GABRG3: variants seen among roughly 807,000 people sequenced by gnomAD.
GABRG3 encodes gamma-aminobutyric acid receptor subunit gamma-3.
Under a neutral mutation model 48.8 loss-of-function variants are expected in GABRG3, and 25 were observed. The ratio of observed to expected loss-of-function variants is 0.51; its 90% confidence interval spans 0.37 to 0.72. GABRG3 has a LOEUF of 0.72. Among genes scored for constraint, GABRG3 ranks in the 30% least tolerant of loss-of-function variants. The probability of loss-of-function intolerance (pLI) is 0.00; values close to 1 mark genes in which losing one functional copy is unlikely to be tolerated. For synonymous variants in GABRG3, 227 were observed against 217.6 expected, an observed-to-expected ratio of 1.04 and a Z score of -0.38; for missense variants, 394 against 577.9, an observed-to-expected ratio of 0.68 and a Z score of 3.26.
chr15:27,200,738 A>G (rs1341461257), intron 3 of GABRG3, among the ~76,000 whole-genome samples: 1 of 152,168 alleles, frequency 6.6e-6, no homozygotes, highest in East Asian at 1.9e-4. Flanking sequence ...AATGATGGGT[A>G]TGGTGATGTC....
intron 3 of GABRG3, among the ~76,000 whole-genome samples, chr15:27,043,606 C>G (rs1298762720): frequency 6.6e-6 from 1 of 152,306 alleles, no homozygotes; most frequent in East Asian, 1.9e-4. Flanking sequence ...CCGCAGAGCC[C>G]CCTCCTCTGC....
At chr15:27,098,400 C>T (rs1897301146) in intron 3 of GABRG3, among the ~76,000 whole-genome samples, 1 of 152,166 alleles carries the variant, frequency 6.6e-6, no homozygotes, top group Non-Finnish European at 1.5e-5. Flanking sequence ...CACCACTGCA[C>T]TCCAGCCTGT....
intron 3 of GABRG3, among the ~76,000 whole-genome samples, chr15:27,149,078 G>A (rs909010247): frequency 7.2e-5 from 11 of 152,098 alleles, no homozygotes; most frequent in African/African-American, 2.4e-4. Flanking sequence ...CAGATGACAT[G>A]CTCTTGCATA....
At chr15:27,296,862 T>A (rs371471345) in intron 3 of GABRG3, among the ~76,000 whole-genome samples, 8 of 137,544 alleles carry the variant, frequency 5.8e-5, no homozygotes, top group East Asian at 2.0e-4. Flanking sequence ...TTTTTTTTTT[T>A]AATTTCATTA....
At chr15:27,060,755 C>T (rs2140722390) in intron 3 of GABRG3, among the ~76,000 whole-genome samples, 1 of 152,326 alleles carries the variant, frequency 6.6e-6, no homozygotes, top group South Asian at 2.1e-4. Context: ...GCCACTTTCA[C>T]TGGTTATTTT....
intron 6 of GABRG3, among the ~76,000 whole-genome samples, chr15:27,510,505 G>A (rs1016530806): frequency 6.6e-6 from 1 of 152,190 alleles, no homozygotes; most frequent in Non-Finnish European, 1.5e-5. Flanking sequence ...GGACGTGGGT[G>A]GAGTTCTCAC....
chr15:27,135,019 C>CT (rs1456130208), intron 3 of GABRG3, among the ~76,000 whole-genome samples: 2 of 152,172 alleles, frequency 1.3e-5, no homozygotes, highest in Non-Finnish European at 2.9e-5. Context: ...CAGTTATGAC[C>CT]TTGAATGATA....
At chr15:27,140,203 T>C (rs1898079114) in intron 3 of GABRG3, among the ~76,000 whole-genome samples, 1 of 152,204 alleles carries the variant, frequency 6.6e-6, no homozygotes, top group Admixed American at 6.5e-5. Flanking sequence ...AACTTGAAGC[T>C]GGCTGAGGGC....
At chr15:27,374,461 T>C (rs970310275) in intron 5 of GABRG3, among the ~76,000 whole-genome samples, 1 of 152,188 alleles carries the variant, frequency 6.6e-6, no homozygotes, top group East Asian at 1.9e-4. Context: ...CAATTTGAAA[T>C]TTAGGAATCT....
At chr15:27,449,855 C>T (rs188818472) in intron 5 of GABRG3, among the ~76,000 whole-genome samples, 42 of 152,320 alleles carry the variant, frequency 2.8e-4, no homozygotes, top group East Asian at 2.1e-3. Flanking sequence ...ATCTTGTGTT[C>T]TCAAATGCTT....
At chr15:26,998,287 G>T (rs1223208678) in intron 2 of GABRG3, among the ~76,000 whole-genome samples, 1 of 152,146 alleles carries the variant, frequency 6.6e-6, no homozygotes, top group East Asian at 1.9e-4. Context: ...ACACATTTAG[G>T]CATGGAATTC....
chr15:27,532,798 C>T lies in GABRG3; in HGVS notation c.1321C>T (p.Leu441=), dbSNP rs757325899. The T allele has an allele frequency of 3.1e-5, 50 of 1,613,872 alleles. No homozygotes were observed. The highest frequency in any genetic ancestry group is 3.3e-4 in the Middle Eastern group (2 of 6,084). ...GCGTATTCACATAGACATCTTGGAG[C>T]TGGACTCGTACTCCCGGGTCTTTTT... ...KGRIHIDILE[L]DSYSRVFFPT... Residue 441 remains leucine (L), a synonymous_variant, in exon 10 of 10, where the codon CTG becomes TTG. Coordinates refer to ENST00000615808, the MANE Select transcript of GABRG3 (RefSeq NM_033223.5).
chr15:27,300,639 A>G (rs971554009), intron 3 of GABRG3, among the ~76,000 whole-genome samples: 1 of 150,662 alleles, frequency 6.6e-6, no homozygotes, highest in Non-Finnish European at 1.5e-5. Context: ...CCTGGGCAAC[A>G]AGAGCAAAAC....
At chr15:26,972,707 C>A (rs1369941429) in intron 1 of GABRG3, among the ~76,000 whole-genome samples, 1 of 152,120 alleles carries the variant, frequency 6.6e-6, no homozygotes, top group Non-Finnish European at 1.5e-5. Context: ...TGTGAACTAC[C>A]AAGGAGCTAG....
Position 27,032,012 on chromosome 15 carries a change from G to A in GABRG3, c.270+5191G>A, listed in dbSNP as rs187227296. Among the ~76,000 whole-genome samples the A allele has an allele frequency of 2.2e-3, 335 of 152,202 alleles. 1 individual carries two copies. Among genetic ancestry groups the A allele is most frequent in the African/African-American group, 7.7e-3 (321 of 41,516 alleles). Reference sequence around the variant, plus strand: ...GCCATTATTTCTTAAATATTGTTTTGGCACCGTTCTAGGACTCTGCTCATG... The same window carrying A: ...GCCATTATTTCTTAAATATTGTTTTAGCACCGTTCTAGGACTCTGCTCATG... On this transcript the variant is annotated intron_variant, in intron 3 of 9. Transcript: ENST00000615808.
chr15:27,401,986 T>C (rs1049108494), intron 5 of GABRG3, among the ~76,000 whole-genome samples: 1 of 152,198 alleles, frequency 6.6e-6, no homozygotes, highest in African/African-American at 2.4e-5. Flanking sequence ...TTTGACACTG[T>C]CAGGGATTTT....
At chr15:27,194,482 C>A (rs1392944904) in intron 3 of GABRG3, among the ~76,000 whole-genome samples, 2 of 152,086 alleles carry the variant, frequency 1.3e-5, no homozygotes, top group Admixed American at 6.6e-5. Context: ...AGTTCTTTGG[C>A]TGAGAGTGTT....
chr15:27,113,448 C>T (rs1162704891), intron 3 of GABRG3, among the ~76,000 whole-genome samples: 5 of 152,028 alleles, frequency 3.3e-5, no homozygotes, highest in East Asian at 3.9e-4. Flanking sequence ...GAAGAGTTAC[C>T]GGATGGTGAA....
chr15:27,167,247 C>T (rs1045160697), intron 3 of GABRG3, among the ~76,000 whole-genome samples: 2 of 152,220 alleles, frequency 1.3e-5, no homozygotes, highest in Admixed American at 6.5e-5. Context: ...CTTTTCCTCT[C>T]TTTCCACATC....
Sources: allele counts gnomAD v4.1 joint callset (sites outside exome capture counted in the v4.1 genomes callset), GRCh38; gene constraint gnomAD v4.1.1; transcripts MANE v1.5; gene names NCBI Gene and HGNC (gene_info 2026-07-23, HGNC 2026-07-21).